Variants in SEL1L3 observed in about 807,000 individuals in gnomAD.
SEL1L3 encodes SEL1L family member 3, also known as protein sel-1 homolog 3.
In SEL1L3, 76 loss-of-function variants were observed where a neutral mutation model predicts 142.8. The observed-to-expected ratio is 0.53, with a 90% CI of 0.44 to 0.64. SEL1L3 has a LOEUF of 0.64. Among genes scored for constraint, SEL1L3 ranks in the 30% least tolerant of loss-of-function variants. The pLI is 0.00. For missense variants in SEL1L3, 1,262 were observed against 1,381.7 expected, an observed-to-expected ratio of 0.91 and a Z score of 1.37; for synonymous variants, 504 against 519.6, an observed-to-expected ratio of 0.97 and a Z score of 0.41.
the SEL1L3 span, among the ~76,000 whole-genome samples, chr4:25,730,459 C>T: frequency 1.3e-5 from 2 of 152,040 alleles, no homozygotes; most frequent in African/African-American, 4.8e-5. Context: ...TTGGCTAATG[C>T]TCCATTTCTC....
At chr4:25,796,902 C>T (rs757562349) in intron 11 of SEL1L3, among the ~76,000 whole-genome samples, 15 of 147,972 alleles carry the variant, frequency 1.0e-4, no homozygotes, top group Admixed American at 2.7e-4. Flanking sequence ...AGATCTGGGA[C>T]AGTGACGCGG....
intron 1 of SEL1L3, among the ~76,000 whole-genome samples, chr4:25,857,536 T>C (rs1056051362): frequency 1.3e-5 from 2 of 152,216 alleles, no homozygotes; most frequent in South Asian, 4.1e-4. Context: ...ATAGAACTTC[T>C]CACTTCTAAC....
At chr4:25,824,783 A>G (rs1714987465) in intron 6 of SEL1L3, among the ~76,000 whole-genome samples, 1 of 152,266 alleles carries the variant, frequency 6.6e-6, no homozygotes, top group South Asian at 2.1e-4. Flanking sequence ...GTAATTCAAT[A>G]AAACATGAGT....
chr4:25,820,089 A>G, intron 7 of SEL1L3, 149 bp from the exon 8 acceptor site: 5 of 688,948 alleles, frequency 7.3e-6, no homozygotes. Flanking sequence ...GGATTTGCAA[A>G]GCAAGGTCAT....
intron 1 of SEL1L3, among the ~76,000 whole-genome samples, chr4:25,856,778 C>T (rs761847916): frequency 2.6e-5 from 4 of 152,120 alleles, no homozygotes; most frequent in Non-Finnish European, 4.4e-5. Flanking sequence ...AGGATAACTG[C>T]ATTTGATTCC....
intron 2 of SEL1L3, among the ~76,000 whole-genome samples, chr4:25,841,777 T>C (rs1468086859): frequency 6.6e-6 from 1 of 152,096 alleles, no homozygotes; most frequent in African/African-American, 2.4e-5. Context: ...CTGGCCAACA[T>C]AGCGAAACAC....
chr4:25,850,846 TTTG>T (rs1311803224), intron 1 of SEL1L3, among the ~76,000 whole-genome samples: 1 of 151,704 alleles, frequency 6.6e-6, no homozygotes, highest in African/African-American at 2.4e-5. Context: ...TTTTCTTTTT[TTTG>T]TTTGTTTGTT....
At chr4:25,830,209 C>A in intron 5 of SEL1L3, 53 bp from the exon 6 acceptor site, 1 of 1,093,406 alleles carries the variant, frequency 9.1e-7, no homozygotes, top group Non-Finnish European at 1.4e-6. Flanking sequence ...CCCTACATTA[C>A]CTATGCAGTC....
intron 16 of SEL1L3, among the ~76,000 whole-genome samples, chr4:25,778,741 T>A (rs1480860990): frequency 2.0e-5 from 3 of 152,034 alleles, no homozygotes; most frequent in African/African-American, 7.2e-5. Context: ...AATAGTGGTA[T>A]AAGCATGTTA....
At chr4:25,738,732 A>G in the SEL1L3 span, among the ~76,000 whole-genome samples, 2 of 152,142 alleles carry the variant, frequency 1.3e-5, no homozygotes, top group Non-Finnish European at 2.9e-5. Flanking sequence ...CATCATAACC[A>G]TTGTGTGCAA....
chr4:25,749,610 A>T (rs1013144344), intron 23 of SEL1L3, among the ~76,000 whole-genome samples: 1 of 152,158 alleles, frequency 6.6e-6, no homozygotes, highest in East Asian at 1.9e-4. Context: ...ATGTGTGCTA[A>T]TTTTATTATT....
chr4:25,779,642 C>G (rs952304693), intron 15 of SEL1L3, among the ~76,000 whole-genome samples: 1 of 152,172 alleles, frequency 6.6e-6, no homozygotes, highest in Admixed American at 6.5e-5. Flanking sequence ...AATAAGAAAT[C>G]TTCACTCACA....
At chr4:25,772,550 C>T (rs1719298098) in intron 17 of SEL1L3, among the ~76,000 whole-genome samples, 1 of 146,502 alleles carries the variant, frequency 6.8e-6, no homozygotes, top group South Asian at 2.1e-4. Flanking sequence ...CCGCATTGAT[C>T]TTAAAAAACA....
chr4:25,790,277 C>G (rs1247510929), intron 12 of SEL1L3, among the ~76,000 whole-genome samples, 178 bp downstream of exon 12: 2 of 152,174 alleles, frequency 1.3e-5, no homozygotes, highest in African/African-American at 4.8e-5. Context: ...AGCTTGGACT[C>G]TTAAGGGACT....
At chr4:25,801,014 TCTGGTTC>T (rs1423164446) in intron 11 of SEL1L3, among the ~76,000 whole-genome samples, 1 of 152,138 alleles carries the variant, frequency 6.6e-6, no homozygotes, top group African/African-American at 2.4e-5. Flanking sequence ...GAACCAGGGG[TCTGGTTC>T]CCAGTCAGCC....
downstream of SEL1L3, among the ~76,000 whole-genome samples, chr4:25,745,124 G>A (rs1009976501): frequency 1.3e-5 from 2 of 152,198 alleles, no homozygotes; most frequent in South Asian, 4.1e-4. Context: ...GCCAGGCGTG[G>A]TGGCTCAAAC....
intron 2 of SEL1L3, among the ~76,000 whole-genome samples, chr4:25,842,291 G>A (rs1285868326): frequency 6.6e-6 from 1 of 151,320 alleles, no homozygotes; most frequent in East Asian, 1.9e-4. Flanking sequence ...GGCTAGAAAA[G>A]TGTTAGAAAT....
chr4:25,859,360 T>C (rs1047832691), intron 1 of SEL1L3, among the ~76,000 whole-genome samples: 5 of 152,258 alleles, frequency 3.3e-5, no homozygotes, highest in African/African-American at 1.2e-4. Context: ...TTCAGAAATC[T>C]GTTTGGCATC....
At chr4:25,812,439 G>T (rs748909998) in intron 9 of SEL1L3, among the ~76,000 whole-genome samples, 3 of 152,212 alleles carry the variant, frequency 2.0e-5, no homozygotes, top group Non-Finnish European at 2.9e-5. Context: ...CAAAGACAGG[G>T]TTGGGCACAG....
Sources: allele counts gnomAD v4.1 joint callset (sites outside exome capture counted in the v4.1 genomes callset), GRCh38; gene constraint gnomAD v4.1.1; transcripts MANE v1.5; gene names NCBI Gene and HGNC (gene_info 2026-07-23, HGNC 2026-07-21).